The following EVI5 variants were observed in gnomAD, a reference collection of about 807,000 sequenced individuals.
The protein encoded by EVI5 is ecotropic viral integration site 5 protein homolog.
A neutral mutation model predicts 112.0 loss-of-function variants in EVI5; 73 were observed. The ratio of observed to expected loss-of-function variants is 0.65; its 90% CI spans 0.54 to 0.79. The LOEUF (loss-of-function observed/expected upper bound fraction) is 0.79. EVI5 is among the 30% of genes least tolerant of loss of function. The pLI, the probability that EVI5 is intolerant of heterozygous loss-of-function variation, is 0.00. For synonymous variants in EVI5, 305 were observed against 319.9 expected, an observed-to-expected ratio of 0.95 and a Z score of 0.50; for missense variants, 900 against 968.8, an observed-to-expected ratio of 0.93 and a Z score of 0.94.
intron 7 of EVI5, among the ~76,000 whole-genome samples, chr1:92,694,642 G>C (rs1205647219): frequency 6.6e-6 from 1 of 152,126 alleles, no homozygotes; most frequent in African/African-American, 2.4e-5. Flanking sequence ...TTGTGTTCTA[G>C]GAAAACTTTA....
At chr1:92,747,765 G>C (rs1012253113) in intron 1 of EVI5, among the ~76,000 whole-genome samples, 1 of 144,130 alleles carries the variant, frequency 6.9e-6, no homozygotes, top group Non-Finnish European at 1.5e-5. Flanking sequence ...TTGTCTCACA[G>C]TTCTGGAGGC....
chr1:92,629,817 T>TC (rs1656542752), intron 14 of EVI5, among the ~76,000 whole-genome samples: 1 of 68,700 alleles, frequency 1.5e-5, no homozygotes, highest in African/African-American at 5.7e-5. Flanking sequence ...CCCTCCACCC[T>TC]CCCCCCACCC....
At chr1:92,666,533 G>A (rs1286489967) in intron 10 of EVI5, among the ~76,000 whole-genome samples, 2 of 131,912 alleles carry the variant, frequency 1.5e-5, no homozygotes, top group East Asian at 5.3e-4. Context: ...GTAGTGAGCC[G>A]AGATTGGACC....
chr1:92,788,316 A>G (rs1234977120), upstream of EVI5, among the ~76,000 whole-genome samples: 3 of 150,532 alleles, frequency 2.0e-5, no homozygotes, highest in Admixed American at 1.3e-4. Context: ...CTGAAATACA[A>G]AAAAAAAATT....
At chr1:92,608,389 G>A (rs1227356929) in intron 16 of EVI5, among the ~76,000 whole-genome samples, 14 of 152,098 alleles carry the variant, frequency 9.2e-5, no homozygotes, top group Admixed American at 7.9e-4. Context: ...TCCAGTTCCA[G>A]AAAGAAAGCA....
intron 18 of EVI5, among the ~76,000 whole-genome samples, chr1:92,574,989 T>C (rs1670833527): frequency 6.6e-6 from 1 of 152,206 alleles, no homozygotes; most frequent in East Asian, 1.9e-4. Context: ...ATTTTATTTT[T>C]TGAGCATTTA....
chr1:92,552,126 A>G (rs1198299231), intron 19 of EVI5, among the ~76,000 whole-genome samples: 7 of 6,744 alleles, frequency 1.0e-3, no homozygotes, highest in South Asian at 0.013. Context: ...TGTAGGGAAA[A>G]AAAAAAAAAA....
intron 12 of EVI5, 29 bp from the exon 13 acceptor site, chr1:92,662,894 G>C: frequency 8.0e-7 from 1 of 1,247,876 alleles, no homozygotes; most frequent in Non-Finnish European, 1.0e-6. Context: ...TGTGTGTAAA[G>C]CAATTTAGGA....
At chr1:92,701,415 A>C (rs765295239) in intron 5 of EVI5, among the ~76,000 whole-genome samples, 1 of 152,228 alleles carries the variant, frequency 6.6e-6, no homozygotes, top group Non-Finnish European at 1.5e-5. Flanking sequence ...AATCTAGCCT[A>C]AATTCATACA....
chr1:92,617,061 C>T (rs11588545), intron 16 of EVI5, among the ~76,000 whole-genome samples: 30,188 of 152,174 alleles, frequency 0.2, 3,528 homozygotes, highest in Middle Eastern at 0.26. Context: ...CTATGATCAG[C>T]TGACAGAGGA....
intron 19 of EVI5, among the ~76,000 whole-genome samples, chr1:92,515,952 G>A (rs868309043): frequency 6.6e-6 from 1 of 152,104 alleles, no homozygotes; most frequent in Non-Finnish European, 1.5e-5. Flanking sequence ...TTTATAGTGA[G>A]GTACAACGTA....
At chr1:92,622,520 A>T (rs1258443885) in intron 16 of EVI5, among the ~76,000 whole-genome samples, 1 of 152,248 alleles carries the variant, frequency 6.6e-6, no homozygotes, top group Non-Finnish European at 1.5e-5. Flanking sequence ...AGACTTTTCT[A>T]AAAGTCCTTA....
At chr1:92,663,948 A>G (rs1664448993) in intron 11 of EVI5, among the ~76,000 whole-genome samples, 1 of 152,170 alleles carries the variant, frequency 6.6e-6, no homozygotes, top group Non-Finnish European at 1.5e-5. Context: ...CAGTCTTGCT[A>G]TGTTACCCAG....
intron 5 of EVI5, among the ~76,000 whole-genome samples, chr1:92,701,806 A>G (rs1283200472): frequency 6.7e-6 from 1 of 150,194 alleles, no homozygotes; most frequent in Non-Finnish European, 1.5e-5. Context: ...TCTTACCAAC[A>G]CTTTAATTAT....
At chr1:92,680,610 A>T (rs1667426124) in intron 9 of EVI5, among the ~76,000 whole-genome samples, 1 of 152,222 alleles carries the variant, frequency 6.6e-6, no homozygotes, top group South Asian at 2.1e-4. Flanking sequence ...ATAATCTCAA[A>T]GTAGCCTGCC....
intron 1 of EVI5, among the ~76,000 whole-genome samples, chr1:92,765,527 T>G (rs1473182823): frequency 1.4e-5 from 2 of 141,334 alleles, no homozygotes; most frequent in Non-Finnish European, 3.1e-5. Context: ...TTTTTCTGAT[T>G]AAAAAAAAAA....
intron 1 of EVI5, among the ~76,000 whole-genome samples, chr1:92,778,113 T>C (rs1255266137): frequency 6.6e-6 from 1 of 152,088 alleles, no homozygotes; most frequent in East Asian, 1.9e-4. Context: ...TTCACCATGT[T>C]GGCCAGGATG....
intron 19 of EVI5, among the ~76,000 whole-genome samples, chr1:92,544,711 T>C (rs1665390859): frequency 6.6e-6 from 1 of 152,220 alleles, no homozygotes; most frequent in Non-Finnish European, 1.5e-5. Context: ...TTAAAATATG[T>C]AATATAAACA....
At chr1:92,527,429 A>AAGAAAAGAAAAAAAG (rs66659134) in intron 19 of EVI5, among the ~76,000 whole-genome samples, 3 of 134,766 alleles carry the variant, frequency 2.2e-5, no homozygotes, top group East Asian at 4.2e-4. Context: ...AAAAAAAAAA[A>AAGAAAAGAAAAAAAG]AAAAGAAAAA....
Sources: gnomAD v4.1 joint callset for allele counts (sites outside exome capture counted in the v4.1 genomes callset) on GRCh38, gnomAD v4.1.1 for gene constraint, MANE v1.5 for transcripts, NCBI Gene and HGNC (gene_info 2026-07-23, HGNC 2026-07-21) for gene names.